NOC2L: variants seen among roughly 807,000 people sequenced by gnomAD.
The protein encoded by NOC2L is nucleolar complex protein 2 homolog.
In NOC2L, 101 loss-of-function variants were observed where a neutral mutation model predicts 94.2. That is an observed-to-expected ratio of 1.07 (90% CI 0.91 to 1.26). NOC2L has a LOEUF of 1.26. Among genes scored for constraint, NOC2L ranks in the 50% most tolerant of loss-of-function variants. The probability of loss-of-function intolerance (pLI) is 0.00; values close to 1 mark genes in which losing one functional copy is unlikely to be tolerated. For synonymous variants in NOC2L, 531 were observed against 413.4 expected (o/e 1.28, Z -3.45); for missense variants, 1,076 against 980.1 (o/e 1.10, Z -1.31).
rs1006791424 is a variant in NOC2L, at chr1:952,274, G to A, written c.1192-135C>T. On this transcript the variant is annotated intron_variant, in intron 10 of 18. Transcript: ENST00000327044. ...CAACCCATCCACCCTTCCCCCACCTGCAAGGACCGACTGCACCAGGGTGCT... is the reference window on the plus strand; with the variant it reads ...CAACCCATCCACCCTTCCCCCACCTACAAGGACCGACTGCACCAGGGTGCT... 24 of 1,393,030 alleles carry A rather than the reference G, an allele frequency of 1.7e-5. No homozygotes were observed. In the East Asian group the frequency reaches 5.8e-4, roughly 34 times the overall value. The allele number at this position is 1,393,030 out of a possible 1,614,324, so 86.3% of individuals were successfully genotyped here. A position where few individuals can be genotyped will look rare whatever the true frequency, so the allele number is the denominator to read the frequency against.
chr1:950,832 G>A (rs1003921454), intron 12 of NOC2L, among the ~76,000 whole-genome samples: 1 of 152,156 alleles, frequency 6.6e-6, no homozygotes, highest in Non-Finnish European at 1.5e-5. Context: ...AATCAGACTT[G>A]GGTTTTGGCC....
At chr1:945,432 G>T in intron 17 of NOC2L, 86 bp downstream of exon 17, 1 of 1,487,698 alleles carries the variant, frequency 6.7e-7, no homozygotes. Flanking sequence ...CCTGCAGGAT[G>T]GGTACAGGTG....
intron 6 of NOC2L, among the ~76,000 whole-genome samples, chr1:955,679 C>T (rs13303065): frequency 0.49 from 75,017 of 152,118 alleles, 21,490 homozygotes; most frequent in East Asian, 0.66. Context: ...CACGCCACAC[C>T]TTCTGAGACT....
intron 10 of NOC2L, 102 bp from the exon 11 acceptor site, chr1:952,241 C>T (rs1175489985): frequency 1.7e-5 from 25 of 1,459,738 alleles, no homozygotes; most frequent in African/African-American, 2.8e-5. Flanking sequence ...ATCTTGCACA[C>T]GGGGTCTCAA....
chr1:953,802 G>C lies in NOC2L; in HGVS notation c.868C>G (p.Gln290Glu), dbSNP rs761528263. ...CGAACCTTGAGCAGCATGCGGCACT[G>C]CTTGGGGAAGGTCAGGAAGCAGGGC... Reference protein sequence around the residue: ...LVPCFLTFPKQCRMLLKRMVI... With the variant: ...LVPCFLTFPKECRMLLKRMVI... The change falls in exon 8 of 19, where the codon CAG becomes GAG. Residue 290 changes from glutamine (Q) to glutamate (E), a missense_variant. By Grantham distance (29) the Gln-to-Glu change is conservative. This residue lies in a region of NOC2L where 457 missense variants were observed against 386.0 expected (regional missense o/e 1.18). Coordinates refer to ENST00000327044, the MANE Select transcript of NOC2L (RefSeq NM_015658.4). 6.2e-7 allele frequency: 1 copy of C among 1,612,714 alleles called. No homozygotes were observed. Among genetic ancestry groups the C allele is most frequent in the South Asian group, 1.1e-5 (1 of 91,078 alleles).
At position 954,017 on chromosome 1, in the gene NOC2L, C is replaced by A; in HGVS notation, c.764G>T (p.Gly255Val). Reference protein sequence around the residue: ...KLRVDIKAYLGSAIQLVSCLS... With the variant: ...KLRVDIKAYLVSAIQLVSCLS... ...CCAGAATAGCACCTGTATGGCCGAG[C>A]CCAGGTAAGCCTTGATGTCCACACG... The change falls in exon 7 of 19, where the codon GGC (glycine) becomes GTC (valine). Residue 255 changes from glycine (G) to valine (V), a missense_variant. Around this residue, in one of 3 missense-constraint regions of NOC2L, gnomAD observed 457 missense variants for 386.0 expected, o/e 1.18. Coordinates refer to ENST00000327044, the MANE Select transcript of NOC2L (RefSeq NM_015658.4). The A allele has an allele frequency of 6.2e-7, 1 of 1,606,016 alleles. No individual in the cohort carries two copies. The highest frequency in any genetic ancestry group is 8.5e-7 in the Non-Finnish European group (1 of 1,174,648).
Position 954,083 on chromosome 1 carries a change from C to A in NOC2L, c.699-1G>T. Reference sequence around the variant, plus strand: ...CGGGCTGCTGGACGGCTGCAGCATCCTGCAGAGAGACCACCCACCCCTGGC... The same window carrying A: ...CGGGCTGCTGGACGGCTGCAGCATCATGCAGAGAGACCACCCACCCCTGGC... On this transcript the variant is annotated splice_acceptor_variant, in intron 6 of 18. Transcript: ENST00000327044. LOFTEE classifies it high-confidence loss of function. 4 of 1,611,782 alleles carry A rather than the reference C, an allele frequency of 2.5e-6. No homozygotes were observed. Among genetic ancestry groups the A allele is most frequent in the Non-Finnish European group, 3.4e-6 (4 of 1,178,998 alleles).
At position 944,382 on chromosome 1, in the gene NOC2L, A is replaced by C; in HGVS notation, c.*312T>G. ...TGCAGACGGAGGGCAGAGGTGGTGGAAGGGGCCAGGGGCCTGCAGGCCTCC... is the reference window on the plus strand; with the variant it reads ...TGCAGACGGAGGGCAGAGGTGGTGGCAGGGGCCAGGGGCCTGCAGGCCTCC... On this transcript the variant is annotated 3_prime_UTR_variant, in exon 19 of 19. Coordinates refer to ENST00000327044, the MANE Select transcript of NOC2L (RefSeq NM_015658.4). 1 of 1,333,012 alleles carries C rather than the reference A, an allele frequency of 7.5e-7. No individual in the cohort carries two copies. The highest frequency in any genetic ancestry group is 1.5e-5 in the African/African-American group (1 of 66,298). The allele number at this position is 1,333,012 out of a possible 1,614,324, so 82.6% of individuals were successfully genotyped here. A position where few individuals can be genotyped will look rare whatever the true frequency, so the allele number is the denominator to read the frequency against.
intron 4 of NOC2L, 63 bp downstream of exon 4, chr1:956,831 C>T: frequency 6.3e-7 from 1 of 1,599,688 alleles, no homozygotes. Context: ...CTGCTCACCT[C>T]AGGTGAGGCA....
chr1:945,721 G>A, intron 16 of NOC2L, 68 bp from the exon 17 acceptor site: 1 of 1,605,324 alleles, frequency 6.2e-7, no homozygotes, highest in Non-Finnish European at 8.5e-7. Context: ...GCAGGGCCAG[G>A]CATCGCCAGA....
At position 946,503 on chromosome 1, in the gene NOC2L, G is replaced by A. The variant is rs201757857; in HGVS notation, c.1702C>T (p.Arg568Trp). 66 of 1,613,260 alleles carry A rather than the reference G, an allele frequency of 4.1e-5. No individual in the cohort carries two copies. The highest frequency in any genetic ancestry group is 5.2e-5 in the Non-Finnish European group (61 of 1,179,980). Residue 568 changes from arginine (R) to tryptophan (W), a missense_variant, in exon 15 of 19, where the codon CGG becomes TGG. By Grantham distance (101) the Arg-to-Trp change is moderately radical (BLOSUM62 -3). This residue lies in a region of NOC2L where 615 missense variants were observed against 577.4 expected (regional missense o/e 1.07). Transcript: ENST00000327044. ...LRECKVANYC[R>W]QVQQLLGKVQ... ...TTCCCAAGCAGCTGCTGCACCTGCC[G>A]GCAGTAGTTGGCCACCTTGCACTCC...
In NOC2L at chr1:944,508, C is replaced by T; in HGVS notation, c.*186G>A. The T allele has an allele frequency of 1.6e-6, 1 of 609,024 alleles. No individual in the cohort carries two copies. The highest frequency in any genetic ancestry group is 2.1e-5 in the South Asian group (1 of 47,448). The allele number at this position is 609,024 out of a possible 1,614,324, so 37.7% of individuals were successfully genotyped here. A position where few individuals can be genotyped will look rare whatever the true frequency, so the allele number is the denominator to read the frequency against. On this transcript the variant is annotated 3_prime_UTR_variant, in exon 19 of 19. Coordinates refer to ENST00000327044, the MANE Select transcript of NOC2L (RefSeq NM_015658.4). ...AGCTGTGGGGCTTCAGCAGCCACAC[C>T]AGCCCAGCCCAGCCCAGCTCTCGAT...
In NOC2L at chr1:952,550, G is replaced by T. The variant is rs750543870; in HGVS notation, c.1053C>A (p.Ala351=). 2 of 1,610,282 alleles carry T rather than the reference G, an allele frequency of 1.2e-6. No individual in the cohort carries two copies. The highest frequency in any genetic ancestry group is 2.7e-5 in the African/African-American group (2 of 74,846). Residue 351 remains alanine, a synonymous_variant, in exon 10 of 19, where the codon GCC becomes GCA. Coordinates refer to ENST00000327044, the MANE Select transcript of NOC2L (RefSeq NM_015658.4). Reference sequence around the variant, plus strand: ...ACTGCATGAAACTGATGAAGGGGAGGGCACCAGGCGAGGTGAACTTGCAGT... The same window carrying T: ...ACTGCATGAAACTGATGAAGGGGAGTGCACCAGGCGAGGTGAACTTGCAGT... ...VRNCKFTSPG[A]LPFISFMQWT...
intron 11 of NOC2L, among the ~76,000 whole-genome samples, chr1:951,444 G>A (rs1642258824): frequency 6.7e-6 from 1 of 148,694 alleles, no homozygotes. Flanking sequence ...TTTCAACACG[G>A]TGGCAGGGGT....
chr1:950,574 C>T (rs371481263), intron 12 of NOC2L, among the ~76,000 whole-genome samples: 13 of 152,308 alleles, frequency 8.5e-5, no homozygotes, highest in East Asian at 5.8e-4. Flanking sequence ...GGTGTACACA[C>T]GCACAGATGC....
intron 17 of NOC2L, 75 bp from the exon 18 acceptor site, chr1:945,221 G>A (rs549585490): frequency 1.3e-4 from 191 of 1,513,286 alleles, no homozygotes; most frequent in Non-Finnish European, 1.5e-4. Context: ...GGGGGCAGGA[G>A]GGTGGCCAGG....
chr1:957,766 C>A (rs754277484), intron 2 of NOC2L: 38 of 161,930 alleles, frequency 2.3e-4, no homozygotes, highest in South Asian at 8.3e-4. Context: ...CCCTTGTCAC[C>A]TACAAGGCAC....
intron 17 of NOC2L, 77 bp downstream of exon 17, chr1:945,441 T>G: frequency 1.3e-6 from 2 of 1,540,096 alleles, no homozygotes; most frequent in Non-Finnish European, 1.8e-6. Flanking sequence ...TGGGTACAGG[T>G]GGCCCTCGTG....
At chr1:945,385 G>T in intron 17 of NOC2L, 133 bp downstream of exon 17, 1 of 1,158,038 alleles carries the variant, frequency 8.6e-7, no homozygotes, top group Non-Finnish European at 1.2e-6. Context: ...TGGCAACACT[G>T]AGGTTGGCCC....
Sources: allele counts gnomAD v4.1 joint callset (sites outside exome capture counted in the v4.1 genomes callset), GRCh38; gene constraint gnomAD v4.1.1; regional missense constraint gnomAD v4.1.1; transcripts MANE v1.5; gene names NCBI Gene and HGNC (gene_info 2026-07-23, HGNC 2026-07-21).